PRKRA: variants seen among roughly 807,000 people sequenced by gnomAD.
PRKRA encodes protein activator of interferon induced protein kinase EIF2AK2.
Under a neutral mutation model 32.4 loss-of-function variants are expected in PRKRA, and 22 were observed. The observed-to-expected ratio is 0.68, with a 90% CI of 0.49 to 0.97. The LOEUF (loss-of-function observed/expected upper bound fraction) is 0.97. Ranked by LOEUF, PRKRA falls within the 50% of genes least tolerant of loss-of-function variation. The pLI, the probability that PRKRA is intolerant of heterozygous loss-of-function variation, is 0.00. For synonymous variants in PRKRA, 139 were observed against 129.8 expected (o/e 1.07, Z -0.48); for missense variants, 319 against 375.6 (o/e 0.85, Z 1.25).
At chr2:178,447,950 T>C (rs1217396179) in intron 2 of PRKRA, among the ~76,000 whole-genome samples, 2 of 152,234 alleles carry the variant, frequency 1.3e-5, no homozygotes, top group African/African-American at 4.8e-5. Context: ...TATTTTACTC[T>C]TCCTTTATTC....
At chr2:178,441,831 C>T in intron 5 of PRKRA, 127 bp from the exon 6 acceptor site, 1 of 732,518 alleles carries the variant, frequency 1.4e-6, no homozygotes, top group Non-Finnish European at 2.4e-6. Context: ...AGACTATGTT[C>T]TTACTGACCT....
At chr2:178,441,890 T>TG (rs950001320) in intron 5 of PRKRA, among the ~76,000 whole-genome samples, 186 bp from the exon 6 acceptor site, 8 of 149,776 alleles carry the variant, frequency 5.3e-5, no homozygotes, top group Non-Finnish European at 8.9e-5. Context: ...ATTAATTCTT[T>TG]TTTTTTTTTT....
intron 7 of PRKRA, among the ~76,000 whole-genome samples, chr2:178,434,416 CCT>C (rs1189571188): frequency 2.0e-5 from 3 of 151,254 alleles, no homozygotes; most frequent in African/African-American, 4.9e-5. Flanking sequence ...TGGCCTCCAG[CCT>C]CTTTTCTTTT....
Position 178,431,893 on chromosome 2 carries a change from A to T in PRKRA, c.*204T>A. ...TCTCTCTTGTGGTACAAAGTTTATA[A>T]ATACAGTATACTGATACAAAGTTGA... On this transcript the variant is annotated 3_prime_UTR_variant, in exon 8 of 8. Transcript: ENST00000325748. 1.5e-6 allele frequency: 1 copy of T among 655,930 alleles called. No individual in the cohort carries two copies. The highest frequency in any genetic ancestry group is 2.6e-6 in the Non-Finnish European group (1 of 390,592). The allele number at this position is 655,930 out of a possible 1,614,324, so 40.6% of individuals were successfully genotyped here. A position where few individuals can be genotyped will look rare whatever the true frequency, so the allele number is the denominator to read the frequency against.
At position 178,451,117 on chromosome 2, in the gene PRKRA, T is replaced by C. The variant is rs972184668; in HGVS notation, c.-87A>G. The C allele has an allele frequency of 3.5e-6, 5 of 1,437,242 alleles. No homozygotes were observed. Among genetic ancestry groups the C allele is most frequent in the Admixed American group, 2.2e-5 (1 of 46,460 alleles). 89.0% of individuals were successfully genotyped at this position (1,437,242 alleles called of 1,614,324 possible). A position where few individuals can be genotyped will look rare whatever the true frequency, so the allele number is the denominator to read the frequency against. On this transcript the variant is annotated 5_prime_UTR_variant, in exon 1 of 8. Coordinates refer to ENST00000325748, the MANE Select transcript of PRKRA (RefSeq NM_003690.5). ...CGGGTCGCTGGTCCCCGGGAGGAGCTCCAGCGCCGCCACCTCCTCCGACTC... is the reference window on the plus strand; with the variant it reads ...CGGGTCGCTGGTCCCCGGGAGGAGCCCCAGCGCCGCCACCTCCTCCGACTC...
At chr2:178,441,984 C>T (rs1164536852) in intron 5 of PRKRA, among the ~76,000 whole-genome samples, 3 of 149,592 alleles carry the variant, frequency 2.0e-5, no homozygotes, top group Non-Finnish European at 2.9e-5. Context: ...CTCCTGGGTT[C>T]AAGCAATTCT....
intron 1 of PRKRA, chr2:178,450,765 C>G: frequency 7.4e-7 from 1 of 1,348,644 alleles, no homozygotes. Flanking sequence ...CGCGCGCCGC[C>G]AGGGACCACG....
At chr2:178,439,382 A>G (rs1194915577) in intron 6 of PRKRA, 1 of 152,148 alleles carries the variant, frequency 6.6e-6, no homozygotes, top group Non-Finnish European at 1.5e-5. Context: ...AATAATTTTT[A>G]GCTTTTTATT....
chr2:178,438,337 T>C (rs75881195), intron 6 of PRKRA, among the ~76,000 whole-genome samples: 1 of 77,410 alleles, frequency 1.3e-5, no homozygotes, highest in African/African-American at 8.7e-5. Context: ...CATCAACAAA[T>C]ATATATATAT....
chr2:178,450,269 C>T lies in PRKRA; in HGVS notation c.208G>A (p.Val70Ile). 1.2e-6 allele frequency: 2 copies of T among 1,614,284 alleles called. No individual in the cohort carries two copies. The highest frequency in any genetic ancestry group is 1.7e-6 in the Non-Finnish European group (2 of 1,180,056). ...GTGCAGGTTATGTCACCAACGGTTA[C>T]TCTGAAGGTGAAAGTGGGCACGTGT... The part of the protein sequence containing the change: ...QIHVPTFTFR[V>I]TVGDITCTGE... The change falls in exon 2 of 8, where the codon GTA becomes ATA. Residue 70 changes from valine (V) to isoleucine (I), a missense_variant. Coordinates refer to ENST00000325748, the MANE Select transcript of PRKRA (RefSeq NM_003690.5).
intron 1 of PRKRA, 184 bp downstream of exon 1, chr2:178,450,782 G>A: frequency 1.5e-6 from 2 of 1,340,240 alleles, no homozygotes; most frequent in Non-Finnish European, 1.9e-6. Flanking sequence ...CACGAGAGGG[G>A]CGGGGCCCGG....
At chr2:178,442,179 C>T (rs1265139988) in intron 5 of PRKRA, among the ~76,000 whole-genome samples, 1 of 152,154 alleles carries the variant, frequency 6.6e-6, no homozygotes, top group Non-Finnish European at 1.5e-5. Flanking sequence ...GCCACTGTGC[C>T]AGGCCTGTAT....
At chr2:178,440,899 G>A (rs1187956420) in intron 6 of PRKRA, among the ~76,000 whole-genome samples, 2 of 152,148 alleles carry the variant, frequency 1.3e-5, no homozygotes, top group African/African-American at 4.8e-5. Context: ...GTCCCTTTAA[G>A]ATTTAATCCC....
intron 5 of PRKRA, among the ~76,000 whole-genome samples, chr2:178,442,144 C>G (rs1242290308): frequency 1.3e-5 from 2 of 152,138 alleles, no homozygotes; most frequent in African/African-American, 4.8e-5. Context: ...CTCAGCCTCC[C>G]AAAGGGCTGG....
intron 1 of PRKRA, chr2:178,450,763 G>T (rs928317365): frequency 3.0e-6 from 4 of 1,345,182 alleles, no homozygotes; most frequent in Non-Finnish European, 3.8e-6. Context: ...CCCGCGCGCC[G>T]CCAGGGACCA....
At chr2:178,434,106 C>T (rs541083764) in intron 7 of PRKRA, 2 of 151,754 alleles carry the variant, frequency 1.3e-5, no homozygotes, top group Admixed American at 1.3e-4. Flanking sequence ...CTCTCATCAG[C>T]CACCTTTTCT....
At chr2:178,449,934 C>T (rs1697486722) in intron 2 of PRKRA, 1 of 458,366 alleles carries the variant, frequency 2.2e-6, no homozygotes, top group African/African-American at 2.0e-5. Flanking sequence ...AAGAACCTTT[C>T]CTGCTTCCCT....
rs1055302173 is a variant in PRKRA at position 178,447,389 on chromosome 2, AGAGGTAGGATGCTAACAACTGTT to A, written c.317+93_317+115del. The A allele has an allele frequency of 2.0e-6, 3 of 1,529,446 alleles. No homozygotes were observed. The African/African-American group carries it at 4.1e-5, about 21-fold the overall frequency. 94.7% of individuals were successfully genotyped at this position (1,529,446 alleles called of 1,614,324 possible). On this transcript the variant is annotated intron_variant, in intron 3 of 7. Transcript: ENST00000325748. Reference sequence around the variant, plus strand: ...AGTTTTCATAAGGAAATAGAATTTGAGAGGTAGGATGCTAACAACTGTTCACTTTGTTGCTTTTGTAAGCATGT... The same window carrying A: ...AGTTTTCATAAGGAAATAGAATTTGACACTTTGTTGCTTTTGTAAGCATGT...
intron 3 of PRKRA, 86 bp downstream of exon 3, chr2:178,447,419 G>T: frequency 1.5e-6 from 2 of 1,342,068 alleles, no homozygotes; most frequent in Non-Finnish European, 2.0e-6. Context: ...TGTTCACTTT[G>T]TTGCTTTTGT....
Sources: gnomAD v4.1 joint callset for allele counts (sites outside exome capture counted in the v4.1 genomes callset) on GRCh38, gnomAD v4.1.1 for gene constraint, MANE v1.5 for transcripts, NCBI Gene and HGNC (gene_info 2026-07-23, HGNC 2026-07-21) for gene names.